The following MCM5 variants were observed in gnomAD, a reference collection of about 807,000 sequenced individuals.
MCM5 encodes the protein DNA replication licensing factor MCM5.
A neutral mutation model predicts 79.9 loss-of-function variants in MCM5; 46 were observed. The observed-to-expected ratio is 0.58, with a 90% CI of 0.45 to 0.74. The LOEUF is 0.74. MCM5 is among the 30% of genes least tolerant of loss of function. The probability of loss-of-function intolerance (pLI) is 0.00; values close to 1 mark genes in which losing one functional copy is unlikely to be tolerated. For missense variants in MCM5, 883 were observed against 1,017.0 expected (o/e 0.87, Z 1.79); for synonymous variants, 404 against 390.5 (o/e 1.03, Z -0.41).
the MCM5 span, among the ~76,000 whole-genome samples, chr22:35,449,569 C>CCG: frequency 6.6e-6 from 1 of 150,580 alleles, no homozygotes; most frequent in Non-Finnish European, 1.5e-5. Context: ...TTTGTCCCAG[C>CCG]TGTGGCCTCT....
At chr22:35,418,149 G>T (rs955324799) in intron 13 of MCM5, among the ~76,000 whole-genome samples, 1 of 152,272 alleles carries the variant, frequency 6.6e-6, no homozygotes, top group South Asian at 2.1e-4. Context: ...GTAGACATGG[G>T]CTCTGGGTCA....
intron 15 of MCM5, chr22:35,421,910 C>A (rs536920520): frequency 1.8e-5 from 5 of 282,342 alleles, no homozygotes; most frequent in Non-Finnish European, 3.5e-5. Flanking sequence ...TGCCCAAGAT[C>A]ACAGTCGCTT....
the MCM5 span, among the ~76,000 whole-genome samples, chr22:35,432,114 A>G: frequency 3.3e-5 from 5 of 152,194 alleles, no homozygotes; most frequent in Non-Finnish European, 5.9e-5. Context: ...ATGGGTTTCT[A>G]TTATTATTGA....
chr22:35,413,877 TCC>T lies in MCM5; in HGVS notation c.1096_1097del (p.Pro366Ter). On this transcript the variant is annotated frameshift_variant, in exon 9 of 17. Transcript: ENST00000216122. LOFTEE classifies it high-confidence loss of function. ...TCCATCTACCCTTCGTCCCCCAGGC[TCC>T]CTGATGGACTTACTCGCCGAGGAGA... 1 of 1,594,744 alleles carries T rather than the reference TCC, an allele frequency of 6.3e-7. No homozygotes were observed. The highest frequency in any genetic ancestry group is 8.6e-7 in the Non-Finnish European group (1 of 1,162,364).
At chr22:35,410,989 C>T (rs1932368442) in intron 7 of MCM5, 79 bp downstream of exon 7, 1 of 1,350,254 alleles carries the variant, frequency 7.4e-7, no homozygotes, top group Non-Finnish European at 1.0e-6. Context: ...CAGCTCGTTA[C>T]TTCATGAGGT....
intron 4 of MCM5, among the ~76,000 whole-genome samples, chr22:35,403,829 A>G (rs1416687306): frequency 6.6e-6 from 1 of 152,158 alleles, no homozygotes; most frequent in Non-Finnish European, 1.5e-5. Flanking sequence ...AGAATTTTAA[A>G]GTAAATTCAT....
chr22:35,424,146 TC>T lies in MCM5; in HGVS notation c.2104-5del. On this transcript the variant is annotated splice_region_variant and splice_polypyrimidine_tract_variant and intron_variant, in intron 16 of 16. Transcript: ENST00000216122. ...CACGTGCCGTTAGCCAGCCATGTGC[TC>T]CCACAGAAATACCCGGAGCACGCCA... is the stretch of plus-strand genomic sequence containing the variant. The T allele has an allele frequency of 6.5e-7, 1 of 1,544,660 alleles. No homozygotes were observed. The highest frequency in any genetic ancestry group is 8.8e-7 in the Non-Finnish European group (1 of 1,141,756).
In MCM5 at chr22:35,400,313, C is replaced by T. The variant is rs1319540504; in HGVS notation, c.-9+105C>T. ...GTTTCTCGGGAACTGGGGTTGGAGT[C>T]CGGGAGCGCGGCCGGGGGTCCCCCT... On this transcript the variant is annotated intron_variant, in intron 1 of 16. Coordinates refer to ENST00000216122, the MANE Select transcript of MCM5 (RefSeq NM_006739.4). 2.7e-6 allele frequency: 3 copies of T among 1,113,374 alleles called. No homozygotes were observed. The African/African-American group carries it at 4.6e-5, about 17-fold the overall frequency. The allele number at this position is 1,113,374 out of a possible 1,614,324, so 69.0% of individuals were successfully genotyped here.
At chr22:35,412,737 T>A in intron 8 of MCM5, 56 bp downstream of exon 8, 1 of 1,345,836 alleles carries the variant, frequency 7.4e-7, no homozygotes, top group Non-Finnish European at 9.8e-7. Context: ...GGGCTCACAG[T>A]AGGATAATTA....
Position 35,413,959 on chromosome 22 carries a change from G to A in MCM5, c.1176G>A (p.Lys392=). ...DPGTAKSQLL[K]FVEKCSPIGV... The stretch of plus-strand genomic sequence containing the variant: ...GGACAGCCAAGTCCCAGCTTCTGAA[G>A]TTTGTGGAGAAGTGTTCTCCCATTG... The change falls in exon 9 of 17, where the codon AAG becomes AAA. Residue 392 remains lysine, a synonymous_variant. Transcript: ENST00000216122. 1 of 1,614,116 alleles carries A rather than the reference G, an allele frequency of 6.2e-7. No homozygotes were observed. The highest frequency in any genetic ancestry group is 8.5e-7 in the Non-Finnish European group (1 of 1,179,936).
At chr22:35,436,908 A>AGGG in the MCM5 span, among the ~76,000 whole-genome samples, 73,080 of 151,822 alleles carry the variant, frequency 0.48, 20,098 homozygotes, top group Non-Finnish European at 0.63. Flanking sequence ...GTCAGTTCGC[A>AGGG]GATGAGGATG....
At chr22:35,453,330 C>G in the MCM5 span, among the ~76,000 whole-genome samples, 565 of 144,236 alleles carry the variant, frequency 3.9e-3, 1 homozygote, top group Non-Finnish European at 6.5e-3. Context: ...GATAGAGAGA[C>G]AGAGACAACG....
intron 15 of MCM5, chr22:35,421,972 G>A (rs914801547): frequency 1.2e-4 from 28 of 231,346 alleles, no homozygotes; most frequent in Non-Finnish European, 1.9e-4. Context: ...CACACCATAA[G>A]CCATACTGTC....
chr22:35,414,320 CATT>C (rs1262607308), intron 9 of MCM5, among the ~76,000 whole-genome samples: 1 of 152,122 alleles, frequency 6.6e-6, no homozygotes, highest in Admixed American at 6.5e-5. Flanking sequence ...ATATTGTTAT[CATT>C]AATAGCTAAA....
chr22:35,400,549 G>A lies in MCM5; in HGVS notation c.111G>A (p.Glu37=), dbSNP rs763956899. ...RKSQLQRRFK[E]FLRQYRVGTD... is the part of the protein sequence containing the mutation. ...CGCAGCTGCAGAGGCGCTTCAAGGA[G>A]TTCCTGCGGCAGTACCGAGTGGGCA... The change falls in exon 2 of 17, where the codon GAG becomes GAA. Residue 37 remains glutamate (E), a synonymous_variant. Coordinates refer to ENST00000216122, the MANE Select transcript of MCM5 (RefSeq NM_006739.4). The A allele has an allele frequency of 1.0e-4, 166 of 1,613,894 alleles. No individual in the cohort carries two copies. Among genetic ancestry groups the A allele is most frequent in the Non-Finnish European group, 1.3e-4 (156 of 1,179,980 alleles).
chr22:35,436,299 G>A, the MCM5 span, among the ~76,000 whole-genome samples: 2 of 151,766 alleles, frequency 1.3e-5, no homozygotes, highest in African/African-American at 2.4e-5. Flanking sequence ...CCCACAGACC[G>A]CATGGGCCCC....
At position 35,419,939 on chromosome 22, in the gene MCM5, A is replaced by C; in HGVS notation, c.1759A>C (p.Ile587Leu). 2.5e-6 allele frequency: 4 copies of C among 1,613,428 alleles called. No homozygotes were observed. Among genetic ancestry groups the C allele is most frequent in the South Asian group, 1.1e-5 (1 of 90,900 alleles). ...EAAEKLKNRY[I>L]IMRSGARQHE... ...TGCAGAGAAACTGAAGAACCGCTAC[A>C]TCATCATGCGGAGCGGGGCCCGTCA... Residue 587 changes from isoleucine (I) to leucine (L), a missense_variant, in exon 14 of 17, where the codon ATC (isoleucine) becomes CTC (leucine). Around this residue, in one of 3 missense-constraint regions of MCM5, gnomAD observed 426 missense variants for 482.3 expected, o/e 0.88. Transcript: ENST00000216122.
At chr22:35,440,190 C>A in the MCM5 span, among the ~76,000 whole-genome samples, 1 of 152,110 alleles carries the variant, frequency 6.6e-6, no homozygotes, top group Non-Finnish European at 1.5e-5. Context: ...TTGAGTAGGC[C>A]CTGTGATAAA....
the MCM5 span, among the ~76,000 whole-genome samples, chr22:35,437,664 C>T: frequency 1.9e-4 from 29 of 152,100 alleles, no homozygotes; most frequent in Admixed American, 1.3e-3. Context: ...GGAAAGAAGA[C>T]GGGTTACAGA....
Sources: allele counts gnomAD v4.1 joint callset (sites outside exome capture counted in the v4.1 genomes callset), GRCh38; gene constraint gnomAD v4.1.1; regional missense constraint gnomAD v4.1.1; transcripts MANE v1.5; gene names NCBI Gene and HGNC (gene_info 2026-07-23, HGNC 2026-07-21).